Variants in SAFB observed in about 807,000 individuals in gnomAD.
The protein encoded by SAFB is scaffold attachment factor B1.
Under a neutral mutation model 101.6 loss-of-function variants are expected in SAFB, and 15 were observed. That is an observed-to-expected ratio of 0.15 (90% CI 0.10 to 0.23). The LOEUF (loss-of-function observed/expected upper bound fraction) is 0.23, where lower values mean the gene tolerates loss of function less well. Ranked by LOEUF, SAFB falls within the 10% of genes least tolerant of loss-of-function variation. The probability of loss-of-function intolerance (pLI) is 1.00; values close to 1 mark genes in which losing one functional copy is unlikely to be tolerated. For synonymous variants in SAFB, 449 were observed against 407.5 expected, an observed-to-expected ratio of 1.10 and a Z score of -1.23; for missense variants, 930 against 1,104.1, an observed-to-expected ratio of 0.84 and a Z score of 2.23.
intron 6 of SAFB, chr19:5,648,747 T>G: frequency 1.5e-6 from 1 of 676,124 alleles, no homozygotes; most frequent in Non-Finnish European, 2.7e-6. Flanking sequence ...AGCCAGAAGG[T>G]TTTGGGGGTT....
chr19:5,661,362 C>G lies in SAFB; in HGVS notation c.1863-156C>G, dbSNP rs557979309. 213 of 1,360,808 alleles carry G rather than the reference C, an allele frequency of 1.6e-4. No individual in the cohort carries two copies. In the African/African-American group the frequency reaches 2.8e-3, roughly 18 times the overall value. 84.3% of individuals were successfully genotyped at this position (1,360,808 alleles called of 1,614,324 possible). A position where few individuals can be genotyped will look rare whatever the true frequency, so the allele number is the denominator to read the frequency against. On this transcript the variant is annotated intron_variant, in intron 14 of 20. Transcript: ENST00000588852. ...TCTTCCTGGGCTGCTCCTGTGGGCCCGAGAAGCCTTCTTCCCGCTGGAGTG... is the reference window on the plus strand; with the variant it reads ...TCTTCCTGGGCTGCTCCTGTGGGCCGGAGAAGCCTTCTTCCCGCTGGAGTG...
intron 1 of SAFB, among the ~76,000 whole-genome samples, chr19:5,624,489 C>T (rs545870381): frequency 1.3e-4 from 20 of 152,128 alleles, no homozygotes; most frequent in Admixed American, 7.9e-4. Context: ...CCTGCGGTTT[C>T]CTTATTCCTG....
At chr19:5,633,640 G>A (rs557687384) in intron 2 of SAFB, among the ~76,000 whole-genome samples, 1 of 152,240 alleles carries the variant, frequency 6.6e-6, no homozygotes, top group African/African-American at 2.4e-5. Context: ...TTAGGCAGGC[G>A]TGGTGGCGGG....
At chr19:5,662,705 A>G (rs2054242181) in intron 15 of SAFB, among the ~76,000 whole-genome samples, 1 of 147,346 alleles carries the variant, frequency 6.8e-6, no homozygotes, top group Non-Finnish European at 1.5e-5. Context: ...CAATGGCGCG[A>G]TCGCTGCTCA....
At chr19:5,652,956 G>A (rs1193030441) in intron 9 of SAFB, among the ~76,000 whole-genome samples, 159 bp from the exon 10 acceptor site, 1 of 152,158 alleles carries the variant, frequency 6.6e-6, no homozygotes, top group East Asian at 1.9e-4. Flanking sequence ...GAGGTCCTTG[G>A]AGGAACAACA....
In SAFB at chr19:5,664,173, C is replaced by G; in HGVS notation, c.2291+14C>G. On this transcript the variant is annotated intron_variant, in intron 16 of 20. Transcript: ENST00000588852. ...CTCGGTGGACAGGTCAGTTGGGCCC[C>G]TGCTGGGCGTGCGGGTTTTCTTTTT... is the stretch of plus-strand genomic sequence containing the variant. 6.2e-7 allele frequency: 1 copy of G among 1,611,976 alleles called. No homozygotes were observed. The highest frequency in any genetic ancestry group is 1.1e-5 in the South Asian group (1 of 90,902).
At position 5,667,001 on chromosome 19, in the gene SAFB, C is replaced by G; in HGVS notation, c.2335-45C>G. The G allele has an allele frequency of 1.6e-6, 2 of 1,241,046 alleles. No individual in the cohort carries two copies. Among genetic ancestry groups the G allele is most frequent in the South Asian group, 1.2e-5 (1 of 83,822 alleles). The allele number at this position is 1,241,046 out of a possible 1,614,324, so 76.9% of individuals were successfully genotyped here. A position where few individuals can be genotyped will look rare whatever the true frequency, so the allele number is the denominator to read the frequency against. On this transcript the variant is annotated intron_variant, in intron 17 of 20. Transcript: ENST00000588852. This position sits in a 1 kb window ranked among gnomAD's most constrained non-coding sequence, Gnocchi z 4.0. Reference sequence around the variant, plus strand: ...CCTGAAAAGCCTTGGGGTCTGGGCGCTGACACTGAAGCTTTTTTTTCCCTT... The same window carrying G: ...CCTGAAAAGCCTTGGGGTCTGGGCGGTGACACTGAAGCTTTTTTTTCCCTT...
At chr19:5,652,417 T>A (rs2053959763) in intron 9 of SAFB, among the ~76,000 whole-genome samples, 1 of 152,044 alleles carries the variant, frequency 6.6e-6, no homozygotes, top group African/African-American at 2.4e-5. Flanking sequence ...GCAGGCCTGA[T>A]GTGGGTTAAT....
chr19:5,641,932 C>T lies in SAFB; in HGVS notation c.532C>T (p.Leu178Phe), dbSNP rs780489708. The change falls in exon 4 of 21, where the codon CTT (leucine) becomes TTT (phenylalanine). Residue 178 changes from leucine to phenylalanine, a missense_variant. Leu to Phe is a conservative substitution (Grantham distance 22). This residue lies in a region of SAFB where 130 missense variants were observed against 114.2 expected (regional missense o/e 1.14). Coordinates refer to ENST00000588852, the MANE Select transcript of SAFB (RefSeq NM_001201338.2). ...EGEMKELPEQ[L>F]QEHAIEDKET... ...GGAAATGAAAGAGCTTCCGGAGCAG[C>T]TTCAGGAACATGCTGTAGGTAACCG... 1.3e-4 allele frequency: 217 copies of T among 1,613,840 alleles called. 3 individuals are homozygous for T. In the South Asian group the frequency reaches 2.4e-3, roughly 18 times the overall value.
chr19:5,629,244 C>G (rs945971077), intron 2 of SAFB, among the ~76,000 whole-genome samples: 13 of 152,044 alleles, frequency 8.6e-5, no homozygotes, highest in African/African-American at 2.2e-4. Flanking sequence ...AGAGCAAGAC[C>G]CTGTGTCTAG....
intron 8 of SAFB, among the ~76,000 whole-genome samples, chr19:5,650,504 CG>C (rs2053914938): frequency 6.6e-6 from 1 of 152,122 alleles, no homozygotes; most frequent in East Asian, 1.9e-4. Flanking sequence ...CTCTGACTCC[CG>C]GGTTCTAGAG....
At chr19:5,644,284 G>T (rs531780332) in intron 4 of SAFB, among the ~76,000 whole-genome samples, 1 of 152,268 alleles carries the variant, frequency 6.6e-6, no homozygotes, top group South Asian at 2.1e-4. Context: ...TCAATGCCTA[G>T]CATCTAGAAA....
chr19:5,658,933 T>C (rs1175856087), intron 14 of SAFB, among the ~76,000 whole-genome samples: 1 of 151,888 alleles, frequency 6.6e-6, no homozygotes, highest in Non-Finnish European at 1.5e-5. Flanking sequence ...GATCACAAGG[T>C]CAGGAGTTCA....
chr19:5,623,647 G>A (rs575462776), intron 1 of SAFB, among the ~76,000 whole-genome samples: 3 of 152,280 alleles, frequency 2.0e-5, no homozygotes, highest in South Asian at 4.1e-4. Flanking sequence ...AAACGGTGAC[G>A]GGTGACATCG....
intron 2 of SAFB, among the ~76,000 whole-genome samples, chr19:5,628,670 A>G (rs2053421803): frequency 6.6e-6 from 1 of 152,140 alleles, no homozygotes; most frequent in African/African-American, 2.4e-5. Context: ...ACTGGGTTTA[A>G]ATATCTGAGA....
chr19:5,659,674 C>T (rs2054150252), intron 14 of SAFB, among the ~76,000 whole-genome samples: 1 of 151,806 alleles, frequency 6.6e-6, no homozygotes, highest in South Asian at 2.1e-4. Flanking sequence ...AGCCACTGCG[C>T]CCAGCCTATT....
chr19:5,652,381 C>T lies in SAFB; in HGVS notation c.1294-734C>T, dbSNP rs145237777. Among the ~76,000 whole-genome samples the T allele has an allele frequency of 7.0e-3, 1,061 of 152,158 alleles. 14 individuals carry two copies. Among genetic ancestry groups the T allele is most frequent in the Non-Finnish European group, 6.2e-3 (422 of 68,000 alleles). On this transcript the variant is annotated intron_variant, in intron 9 of 20. Transcript: ENST00000588852. Reference sequence around the variant, plus strand: ...GTGTGCTCAGTGGGGAAGTGTTGCCCTGGAGACTGTAGTGTCTTGAGCGCA... The same window carrying T: ...GTGTGCTCAGTGGGGAAGTGTTGCCTTGGAGACTGTAGTGTCTTGAGCGCA...
At position 5,653,163 on chromosome 19, in the gene SAFB, T is replaced by C. The variant is rs1327616151; in HGVS notation, c.1342T>C (p.Cys448Arg). 6.2e-7 allele frequency: 1 copy of C among 1,614,118 alleles called. No homozygotes were observed. The highest frequency in any genetic ancestry group is 8.5e-7 in the Non-Finnish European group (1 of 1,180,028). Residue 448 changes from cysteine to arginine, a missense_variant, in exon 10 of 21, where the codon TGT becomes CGT. Transcript: ENST00000588852. ...AAATGCCCGGAGTCCTGGAGCTCGC[T>C]GTTACGGTTTTGTCACGATGTCCAC... is the stretch of plus-strand genomic sequence containing the variant. The part of the protein sequence containing the change: ...VTNARSPGAR[C>R]YGFVTMSTAE...
At chr19:5,653,968 C>G (rs571967640) in intron 11 of SAFB, 93 bp from the exon 12 acceptor site, 41 of 1,189,280 alleles carry the variant, frequency 3.4e-5, no homozygotes, top group Non-Finnish European at 4.6e-5. Context: ...CTCGAACTCC[C>G]GGTCTCATGT....
Sources: gnomAD v4.1 joint callset for allele counts (sites outside exome capture counted in the v4.1 genomes callset) on GRCh38, gnomAD v4.1.1 for gene constraint, gnomAD v4.1.1 regional missense constraint, Gnocchi (gnomAD v3.1) non-coding constraint, MANE v1.5 for transcripts, NCBI Gene and HGNC (gene_info 2026-07-23, HGNC 2026-07-21) for gene names.